Variants in ZNF516 observed in about 807,000 individuals in gnomAD.
ZNF516 encodes zinc finger protein 516.
Under a neutral mutation model 79.7 loss-of-function variants are expected in ZNF516, and 19 were observed. That is an observed-to-expected ratio of 0.24 (90% confidence interval 0.17 to 0.35). The LOEUF is 0.35. ZNF516 is among the 10% of genes least tolerant of loss of function. ZNF516 has a pLI of 1.00. For missense variants in ZNF516, 1,678 were observed against 1,679.5 expected (o/e 1.00, Z 0.02); for synonymous variants, 877 against 739.5 (o/e 1.19, Z -3.02).
intron 3 of ZNF516, among the ~76,000 whole-genome samples, chr18:76,410,185 TC>T (rs2075357873): frequency 6.6e-6 from 1 of 152,124 alleles, no homozygotes; most frequent in Non-Finnish European, 1.5e-5. Context: ...TACAGGAGGC[TC>T]CCAGCTGCCA....
At chr18:76,496,140 T>G (rs1189796050), upstream of ZNF516, 8 of 382,870 alleles carry the variant, frequency 2.1e-5, no homozygotes, top group African/African-American at 1.1e-4. Flanking sequence ...ATGGCCGGGG[T>G]GGGGGAGGGG....
In ZNF516 at chr18:76,405,528, G is replaced by A. The variant is rs1216433908; in HGVS notation, c.1811-25225C>T. Among the ~76,000 whole-genome samples, 9 of 152,240 alleles carry A rather than the reference G, an allele frequency of 5.9e-5. No homozygotes were observed. In the East Asian group the frequency reaches 1.2e-3, roughly 20 times the overall value. ...CAGGCCCCAGCCCGGGAGGGGCGGCGTGGAGCTTGAAGGGCCTCCTTTCCT... is the reference window on the plus strand; with the variant it reads ...CAGGCCCCAGCCCGGGAGGGGCGGCATGGAGCTTGAAGGGCCTCCTTTCCT... On this transcript the variant is annotated intron_variant, in intron 3 of 6. Coordinates refer to ENST00000443185, the MANE Select transcript of ZNF516 (RefSeq NM_014643.4).
chr18:76,376,107 T>C (rs2074783550), intron 4 of ZNF516, among the ~76,000 whole-genome samples: 1 of 152,232 alleles, frequency 6.6e-6, no homozygotes, highest in African/African-American at 2.4e-5. Flanking sequence ...TAAAGAACTA[T>C]GACATAGAAG....
At chr18:76,422,958 C>T (rs753403173) in intron 3 of ZNF516, among the ~76,000 whole-genome samples, 2 of 152,094 alleles carry the variant, frequency 1.3e-5, no homozygotes, top group African/African-American at 2.4e-5. Context: ...ACAAGATGTA[C>T]TCTCAATATC....
chr18:76,448,820 CTCAAAG>C (rs1192805373), intron 2 of ZNF516, among the ~76,000 whole-genome samples: 1 of 152,176 alleles, frequency 6.6e-6, no homozygotes. Context: ...CTTCAAGGAA[CTCAAAG>C]TCAGACAGGG....
chr18:76,447,082 A>G (rs1912095518), intron 2 of ZNF516, among the ~76,000 whole-genome samples: 1 of 152,200 alleles, frequency 6.6e-6, no homozygotes, highest in South Asian at 2.1e-4. Flanking sequence ...GAACTCTCCT[A>G]AGGGGTTACT....
chr18:76,369,117 T>C (rs561539927), intron 6 of ZNF516, among the ~76,000 whole-genome samples: 1 of 152,320 alleles, frequency 6.6e-6, no homozygotes, highest in South Asian at 2.1e-4. Context: ...TTGCTCTTAC[T>C]ACATCCCACA....
intron 2 of ZNF516, among the ~76,000 whole-genome samples, chr18:76,457,393 T>C (rs1450853960): frequency 6.6e-6 from 1 of 152,200 alleles, no homozygotes; most frequent in Non-Finnish European, 1.5e-5. Context: ...ATAAGAAATC[T>C]TCCAAAACTA....
At chr18:76,466,666 G>A (rs1383889581) in intron 1 of ZNF516, among the ~76,000 whole-genome samples, 1 of 152,246 alleles carries the variant, frequency 6.6e-6, no homozygotes, top group Non-Finnish European at 1.5e-5. Context: ...ACGCAGTGGT[G>A]CCTGCCTGCC....
rs369195537 is a variant in ZNF516, at chr18:76,379,144, G to A, written c.2970C>T (p.Gly990=). 40 of 1,612,682 alleles carry A rather than the reference G, an allele frequency of 2.5e-5. No homozygotes were observed. The highest frequency in any genetic ancestry group is 2.9e-5 in the Non-Finnish European group (34 of 1,179,730). The part of the protein sequence containing the change: ...AQPQGPPPAK[G]EGGAPPLPPR... ...GAGGTAGAGGAGGAGCGCCCCCTTC[G>A]CCCTTTGCAGGAGGTGGACCCTGAG... The change falls in exon 4 of 7, where the codon GGC becomes GGT. Residue 990 remains glycine, a synonymous_variant. Transcript: ENST00000443185.
At chr18:76,383,035 CAAA>C (rs772423972) in intron 3 of ZNF516, among the ~76,000 whole-genome samples, 5 of 49,798 alleles carry the variant, frequency 1.0e-4, no homozygotes, top group Middle Eastern at 0.011. Flanking sequence ...GACTCTGTCT[CAAA>C]AAAAAAAAAA....
intron 3 of ZNF516, among the ~76,000 whole-genome samples, chr18:76,383,743 G>GC (rs1409439188): frequency 1.3e-5 from 2 of 152,214 alleles, no homozygotes; most frequent in Non-Finnish European, 1.5e-5. Context: ...CCTCTAGTGA[G>GC]CTCCCGATCA....
intron 2 of ZNF516, among the ~76,000 whole-genome samples, chr18:76,455,978 G>C (rs1912700191): frequency 6.6e-6 from 1 of 152,036 alleles, no homozygotes; most frequent in African/African-American, 2.4e-5. Flanking sequence ...TTACCTCCCT[G>C]TTCCCCTCCC....
chr18:76,485,754 A>C (rs1914792811), intron 1 of ZNF516, among the ~76,000 whole-genome samples: 1 of 152,130 alleles, frequency 6.6e-6, no homozygotes, highest in Non-Finnish European at 1.5e-5. Context: ...TAAACAAAAC[A>C]CAGCCTAAGT....
chr18:76,407,157 T>A (rs2075314338), intron 3 of ZNF516, among the ~76,000 whole-genome samples: 1 of 152,100 alleles, frequency 6.6e-6, no homozygotes, highest in Non-Finnish European at 1.5e-5. Context: ...CTGACACCTA[T>A]CATCTCAACA....
chr18:76,361,979 G>A lies in ZNF516; in HGVS notation c.*519C>T, dbSNP rs1163629852. 4 of 152,448 alleles carry A rather than the reference G, an allele frequency of 2.6e-5. No individual in the cohort carries two copies. Among genetic ancestry groups the A allele is most frequent in the African/African-American group, 9.7e-5 (4 of 41,408 alleles). 9.4% of individuals were successfully genotyped at this position (152,448 alleles called of 1,614,324 possible). A position where few individuals can be genotyped will look rare whatever the true frequency, so the allele number is the denominator to read the frequency against. On this transcript the variant is annotated 3_prime_UTR_variant, in exon 7 of 7. Transcript: ENST00000443185. ...ATTTACTATTTTAAATACCCACTAA[G>A]ACAAGGAGAGGCAGTAGTATTAATA...
chr18:76,367,859 T>C (rs1488324085), intron 6 of ZNF516, among the ~76,000 whole-genome samples: 2 of 152,218 alleles, frequency 1.3e-5, no homozygotes, highest in Non-Finnish European at 2.9e-5. Context: ...AATTTCCAAA[T>C]ACTGTTTCAA....
rs2074520998 is a variant in ZNF516, at chr18:76,360,649, A to AAAAAAT, written c.*1848_*1849insATTTTT. 3 of 94,436 alleles carry AAAAAAT rather than the reference A, an allele frequency of 3.2e-5. No individual in the cohort carries two copies. The highest frequency in any genetic ancestry group is 6.6e-5 in the Non-Finnish European group (3 of 45,738). The allele number at this position is 94,436 out of a possible 1,614,324, so 5.8% of individuals were successfully genotyped here. On this transcript the variant is annotated 3_prime_UTR_variant, in exon 7 of 7. Coordinates refer to ENST00000443185, the MANE Select transcript of ZNF516 (RefSeq NM_014643.4). ...AAAATAAGTAAAAAAAAAAAAAAAT[A>AAAAAAT]TATATATATATATATATATATATAT... is the stretch of plus-strand genomic sequence containing the variant.
Position 76,441,151 on chromosome 18 carries a change from T to C in ZNF516, c.1810+94A>G, listed in dbSNP as rs914842641. 8.9e-6 allele frequency: 13 copies of C among 1,463,526 alleles called. No individual in the cohort carries two copies. The African/African-American group carries it at 1.8e-4, about 21-fold the overall frequency. 90.7% of individuals were successfully genotyped at this position (1,463,526 alleles called of 1,614,324 possible). A position where few individuals can be genotyped will look rare whatever the true frequency, so the allele number is the denominator to read the frequency against. ...AAAGGGCCACCGGGTAAGGGGCTAATGAGCGAGCCTACTTGAGTATACGTT... is the reference window on the plus strand; with the variant it reads ...AAAGGGCCACCGGGTAAGGGGCTAACGAGCGAGCCTACTTGAGTATACGTT... On this transcript the variant is annotated intron_variant, in intron 3 of 6. Transcript: ENST00000443185.
Sources: gnomAD v4.1 joint callset for allele counts (sites outside exome capture counted in the v4.1 genomes callset) on GRCh38, gnomAD v4.1.1 for gene constraint, MANE v1.5 for transcripts, NCBI Gene and HGNC (gene_info 2026-07-23, HGNC 2026-07-21) for gene names.